YPEL1: variants seen among roughly 807,000 people sequenced by gnomAD.
The protein encoded by YPEL1 is yippee like 1, also known as protein yippee-like 1.
In YPEL1, 7 loss-of-function variants were observed where a neutral mutation model predicts 17.3. The observed-to-expected ratio is 0.40, with a 90% CI of 0.23 to 0.76. YPEL1 has a LOEUF of 0.76. Ranked by LOEUF, YPEL1 falls within the 30% of genes least tolerant of loss-of-function variation. The pLI, the probability that YPEL1 is intolerant of heterozygous loss-of-function variation, is 0.35. For synonymous variants in YPEL1, 59 were observed against 59.6 expected (o/e 0.99, Z 0.05); for missense variants, 91 against 155.5 (o/e 0.59, Z 2.21).
chr22:21,730,835 G>A (rs2068379093), intron 1 of YPEL1, among the ~76,000 whole-genome samples: 1 of 152,138 alleles, frequency 6.6e-6, no homozygotes, highest in East Asian at 1.9e-4. Flanking sequence ...GGAACCCAAG[G>A]GGCCTGGCTC....
At chr22:21,725,021 C>CCT (rs1569065339) in intron 1 of YPEL1, among the ~76,000 whole-genome samples, 2 of 151,624 alleles carry the variant, frequency 1.3e-5, no homozygotes, top group African/African-American at 4.9e-5. Flanking sequence ...GATTCTCCTG[C>CCT]CTCAGCCTCC....
intron 1 of YPEL1, among the ~76,000 whole-genome samples, chr22:21,719,443 T>G (rs1197110674): frequency 1.3e-5 from 2 of 152,172 alleles, no homozygotes; most frequent in East Asian, 3.8e-4. Context: ...ACAAAGATAC[T>G]AAGAATATGA....
At chr22:21,735,376 G>A (rs2148618245) in intron 1 of YPEL1, among the ~76,000 whole-genome samples, 1 of 152,186 alleles carries the variant, frequency 6.6e-6, no homozygotes, top group South Asian at 2.1e-4. Flanking sequence ...GAGGTGGAGA[G>A]AAGAAACGGC....
intron 1 of YPEL1, among the ~76,000 whole-genome samples, chr22:21,734,519 T>C (rs1050611614): frequency 2.0e-5 from 3 of 152,148 alleles, no homozygotes; most frequent in African/African-American, 7.2e-5. Context: ...ATATAAATGC[T>C]CAATATGGGC....
intron 2 of YPEL1, among the ~76,000 whole-genome samples, chr22:21,705,706 T>C (rs2068108342): frequency 6.6e-6 from 1 of 152,100 alleles, no homozygotes; most frequent in Admixed American, 6.5e-5. Flanking sequence ...GTGTTCATAA[T>C]TAGGAAAACA....
intron 1 of YPEL1, among the ~76,000 whole-genome samples, chr22:21,719,711 C>T (rs562951106): frequency 1.2e-4 from 18 of 151,932 alleles, no homozygotes; most frequent in African/African-American, 3.6e-4. Context: ...ATGGCGAAAC[C>T]CCGTCTCTAT....
At chr22:21,730,616 A>T (rs1181242734) in intron 1 of YPEL1, among the ~76,000 whole-genome samples, 1 of 152,240 alleles carries the variant, frequency 6.6e-6, no homozygotes, top group Non-Finnish European at 1.5e-5. Context: ...GCATGGGTAC[A>T]ATTTGCCTTT....
chr22:21,701,043 GCTGT>G lies in YPEL1; in HGVS notation c.*82_*85del. The G allele has an allele frequency of 8.1e-7, 1 of 1,242,082 alleles. No homozygotes were observed. The highest frequency in any genetic ancestry group is 1.8e-5 in the Admixed American group (1 of 56,890). The allele number at this position is 1,242,082 out of a possible 1,614,324, so 76.9% of individuals were successfully genotyped here. A position where few individuals can be genotyped will look rare whatever the true frequency, so the allele number is the denominator to read the frequency against. ...CCTTTGAGGTCAGAGGGCAAGAAAGGCTGTCACCAGATGCTCCTACGTTTCCATT... is the reference window on the plus strand; with the variant it reads ...CCTTTGAGGTCAGAGGGCAAGAAAGGCACCAGATGCTCCTACGTTTCCATT... On this transcript the variant is annotated 3_prime_UTR_variant, in exon 5 of 5. Coordinates refer to ENST00000339468, the MANE Select transcript of YPEL1 (RefSeq NM_013313.5).
intron 1 of YPEL1, among the ~76,000 whole-genome samples, chr22:21,712,298 TTCTATATTCTCTCTATACATATTC>T (rs1312403547): frequency 9.2e-5 from 14 of 151,452 alleles, no homozygotes; most frequent in Non-Finnish European, 1.9e-4. Context: ...AATACATATA[TTCTATATTCTCTCTATACATATTC>T]TCTATATATC....
At position 21,732,859 on chromosome 22, in the gene YPEL1, G is replaced by A. The variant is rs185503953; in HGVS notation, c.-165+2756C>T. Among the ~76,000 whole-genome samples the A allele has an allele frequency of 4.4e-3, 675 of 152,188 alleles. 7 individuals are homozygous for A. Among genetic ancestry groups the A allele is most frequent in the African/African-American group, 0.015 (642 of 41,514 alleles). On this transcript the variant is annotated intron_variant, in intron 1 of 4. Transcript: ENST00000339468. ...TCACACCTGTAAATCCCAACACATC[G>A]GGAGGCTGAGACTGGAGGATCACTT... is the stretch of plus-strand genomic sequence containing the variant.
At chr22:21,721,971 T>C (rs1013806982) in intron 1 of YPEL1, among the ~76,000 whole-genome samples, 1 of 152,222 alleles carries the variant, frequency 6.6e-6, no homozygotes, top group Non-Finnish European at 1.5e-5. Context: ...AATCATGCAG[T>C]GTTTGTCCAT....
chr22:21,712,725 CAAA>C (rs33967845), intron 1 of YPEL1, among the ~76,000 whole-genome samples: 3 of 89,624 alleles, frequency 3.3e-5, no homozygotes, highest in Non-Finnish European at 4.3e-5. Flanking sequence ...GACTACATCT[CAAA>C]AAAAAAAAAA....
At chr22:21,721,417 C>CT (rs1413173206) in intron 1 of YPEL1, among the ~76,000 whole-genome samples, 2,418 of 40,458 alleles carry the variant, frequency 0.06, 75 homozygotes, top group African/African-American at 0.2. Context: ...CATGCCCAGC[C>CT]TTTTTTTCTT....
intron 1 of YPEL1, among the ~76,000 whole-genome samples, chr22:21,732,143 T>C (rs1601645918): frequency 6.6e-6 from 1 of 152,234 alleles, no homozygotes; most frequent in Non-Finnish European, 1.5e-5. Flanking sequence ...ACTCAGCATC[T>C]GTATAGCAGG....
chr22:21,713,983 GGAA>G (rs2068196547), intron 1 of YPEL1, among the ~76,000 whole-genome samples: 1 of 152,120 alleles, frequency 6.6e-6, no homozygotes, highest in Admixed American at 6.5e-5. Flanking sequence ...CACGGGGCTG[GGAA>G]GAAGAGCCAA....
rs1349004517 is a variant in YPEL1 at position 21,697,868 on chromosome 22, C to T, written c.*3261G>A. On this transcript the variant is annotated 3_prime_UTR_variant, in exon 5 of 5. Coordinates refer to ENST00000339468, the MANE Select transcript of YPEL1 (RefSeq NM_013313.5). ...TAAAACCATTTGAATTTTTAACGAC[C>T]TGATGAGGGCATCAGGTAAATTAAA... The T allele has an allele frequency of 1.3e-5, 2 of 152,292 alleles. No individual in the cohort carries two copies. The highest frequency in any genetic ancestry group is 1.5e-5 in the Non-Finnish European group (1 of 68,032). 9.4% of individuals were successfully genotyped at this position (152,292 alleles called of 1,614,324 possible). A position where few individuals can be genotyped will look rare whatever the true frequency, so the allele number is the denominator to read the frequency against.
At chr22:21,710,582 G>A in intron 2 of YPEL1, 46 bp downstream of exon 2, 6 of 1,466,490 alleles carry the variant, frequency 4.1e-6, no homozygotes, top group Non-Finnish European at 5.7e-6. Flanking sequence ...GTACCACAAT[G>A]ACAGATAATC....
Position 21,710,663 on chromosome 22 carries a change from C to CT in YPEL1, c.81dup (p.Ala28SerfsTer7). Reference sequence around the variant, plus strand: ...AGCTCGTCATGATTGGCCAGGTGTGCTCTGCAGTGGATACAGCTGTACGTT... The same window carrying CT: ...AGCTCGTCATGATTGGCCAGGTGTGCTTCTGCAGTGGATACAGCTGTACGTT... On this transcript the variant is annotated frameshift_variant, in exon 2 of 5. Coordinates refer to ENST00000339468, the MANE Select transcript of YPEL1 (RefSeq NM_013313.5). LOFTEE classifies it high-confidence loss of function. 6.2e-7 allele frequency: 1 copy of CT among 1,614,242 alleles called. No homozygotes were observed. The highest frequency in any genetic ancestry group is 8.5e-7 in the Non-Finnish European group (1 of 1,180,038).
In YPEL1 at chr22:21,703,486, G is replaced by A. The variant is rs2068085011; in HGVS notation, c.162-8C>T. On this transcript the variant is annotated splice_region_variant and splice_polypyrimidine_tract_variant and intron_variant, in intron 3 of 4. Transcript: ENST00000339468. This position sits in a 1 kb window ranked among gnomAD's most constrained non-coding sequence, Gnocchi z 6.1. Reference sequence around the variant, plus strand: ...CCGCAGCCCACGTTCACCCTGCGGGGACAGAGGGGCCACTGCGCTGCAGGC... The same window carrying A: ...CCGCAGCCCACGTTCACCCTGCGGGAACAGAGGGGCCACTGCGCTGCAGGC... 6.2e-7 allele frequency: 1 copy of A among 1,605,568 alleles called. No individual in the cohort carries two copies. The highest frequency in any genetic ancestry group is 1.1e-5 in the South Asian group (1 of 91,052).
Sources: gnomAD v4.1 joint callset for allele counts (sites outside exome capture counted in the v4.1 genomes callset) on GRCh38, gnomAD v4.1.1 for gene constraint, Gnocchi (gnomAD v3.1) non-coding constraint, MANE v1.5 for transcripts, NCBI Gene and HGNC (gene_info 2026-07-23, HGNC 2026-07-21) for gene names.